The following DLG2 variants were observed in gnomAD, a reference collection of about 807,000 sequenced individuals.
DLG2 encodes the protein disks large homolog 2.
In DLG2, 45 loss-of-function variants were observed where a neutral mutation model predicts 132.5. The observed-to-expected ratio is 0.34, with a 90% CI of 0.27 to 0.44. The LOEUF (loss-of-function observed/expected upper bound fraction) is 0.44, where lower values mean the gene tolerates loss of function less well. Among genes scored for constraint, DLG2 ranks in the 20% least tolerant of loss-of-function variants. The pLI is 1.00. For synonymous variants in DLG2, 424 were observed against 419.6 expected, an observed-to-expected ratio of 1.01 and a Z score of -0.13; for missense variants, 1,045 against 1,196.9, an observed-to-expected ratio of 0.87 and a Z score of 1.87.
chr11:85,014,366 T>C (rs924696273), intron 6 of DLG2, among the ~76,000 whole-genome samples: 3 of 152,210 alleles, frequency 2.0e-5, no homozygotes, highest in Non-Finnish European at 4.4e-5. Context: ...TTCTTCCTTA[T>C]ATATGCAGTT....
intron 3 of DLG2, among the ~76,000 whole-genome samples, chr11:85,448,561 T>C (rs1194162015): frequency 6.6e-6 from 1 of 152,208 alleles, no homozygotes. Flanking sequence ...TACTGCTTTC[T>C]TACTGAAAAA....
At chr11:85,052,521 A>C (rs1304231885) in intron 6 of DLG2, among the ~76,000 whole-genome samples, 1 of 152,210 alleles carries the variant, frequency 6.6e-6, no homozygotes, top group Non-Finnish European at 1.5e-5. Context: ...AGCAAAACAG[A>C]AACTTGGTAA....
At chr11:85,090,110 C>A (rs1437223835) in intron 6 of DLG2, among the ~76,000 whole-genome samples, 1 of 152,134 alleles carries the variant, frequency 6.6e-6, no homozygotes, top group African/African-American at 2.4e-5. Flanking sequence ...ATTAGGCACA[C>A]ATGTATATAA....
intron 3 of DLG2, among the ~76,000 whole-genome samples, chr11:85,573,970 T>C (rs1378022181): frequency 6.6e-6 from 1 of 152,192 alleles, no homozygotes; most frequent in Non-Finnish European, 1.5e-5. Context: ...CTAAATTTCT[T>C]ATCTAGAAAT....
chr11:83,578,697 TA>T (rs1364979543), intron 19 of DLG2, among the ~76,000 whole-genome samples: 1 of 152,124 alleles, frequency 6.6e-6, no homozygotes, highest in African/African-American at 2.4e-5. Flanking sequence ...CCAGAGGATA[TA>T]AAAAGCCTAA....
intron 6 of DLG2, among the ~76,000 whole-genome samples, chr11:85,004,628 A>G (rs894649256): frequency 2.0e-5 from 3 of 152,246 alleles, no homozygotes; most frequent in South Asian, 2.1e-4. Flanking sequence ...CCTTTGTCAG[A>G]TCGATAGATT....
intron 6 of DLG2, among the ~76,000 whole-genome samples, chr11:84,554,161 T>G (rs976696146): frequency 6.6e-6 from 1 of 152,216 alleles, no homozygotes; most frequent in Non-Finnish European, 1.5e-5. Flanking sequence ...GTGTTTTATT[T>G]TCTTCTTCAT....
intron 7 of DLG2, among the ~76,000 whole-genome samples, chr11:84,269,402 C>A (rs2097690476): frequency 6.6e-6 from 1 of 152,232 alleles, no homozygotes; most frequent in Non-Finnish European, 1.5e-5. Context: ...ATGTCCTCTT[C>A]TTCCATCATT....
At chr11:85,045,021 T>C (rs1370196137) in intron 6 of DLG2, among the ~76,000 whole-genome samples, 2 of 151,994 alleles carry the variant, frequency 1.3e-5, no homozygotes, top group East Asian at 3.9e-4. Context: ...AATAGGAAAG[T>C]AGGATGAATT....
At chr11:83,590,479 A>G (rs1475220278) in intron 19 of DLG2, among the ~76,000 whole-genome samples, 1 of 152,128 alleles carries the variant, frequency 6.6e-6, no homozygotes, top group Non-Finnish European at 1.5e-5. Context: ...TCTCTGGGAC[A>G]CATTCAAAGC....
chr11:84,323,756 A>C (rs2098417370), intron 7 of DLG2, among the ~76,000 whole-genome samples: 1 of 134,924 alleles, frequency 7.4e-6, no homozygotes, highest in African/African-American at 2.8e-5. Flanking sequence ...TGGCCATTCT[A>C]ACAGGTGTGA....
Position 84,163,519 on chromosome 11 carries a change from T to A in DLG2, c.574-8A>T. On this transcript the variant is annotated splice_polypyrimidine_tract_variant and splice_region_variant and intron_variant, in intron 8 of 27. Coordinates refer to ENST00000376104, the MANE Select transcript of DLG2 (RefSeq NM_001142699.3). ...AATTTCTGTCCCATTGACCTGTAAATAGGGAAAAAATAAGAAGAGAACTAT... is the reference window on the plus strand; with the variant it reads ...AATTTCTGTCCCATTGACCTGTAAAAAGGGAAAAAATAAGAAGAGAACTAT... The A allele has an allele frequency of 1.3e-6, 2 of 1,599,806 alleles. No homozygotes were observed. The highest frequency in any genetic ancestry group is 1.3e-5 in the African/African-American group (1 of 74,118).
rs1273327772 is a variant in DLG2, at chr11:85,520,061, G to A, written c.40+78596C>T. Among the ~76,000 whole-genome samples the A allele has an allele frequency of 1.3e-5, 2 of 149,742 alleles. 1 individual carries two copies. Among genetic ancestry groups the A allele is most frequent in the Admixed American group, 1.3e-4 (2 of 15,044 alleles). ...GGCTAATTTTTTTTTTTTTATATTT[G>A]GTGGAGATGGGGCCTCTTTATACTG... On this transcript the variant is annotated intron_variant, in intron 3 of 27. Transcript: ENST00000376104.
chr11:83,741,683 T>C (rs75047776), intron 18 of DLG2, among the ~76,000 whole-genome samples: 1 of 152,090 alleles, frequency 6.6e-6, no homozygotes, highest in Non-Finnish European at 1.5e-5. Flanking sequence ...AAATATTTCA[T>C]GCTCATGGAT....
chr11:84,859,814 A>C (rs1387739235), intron 6 of DLG2, among the ~76,000 whole-genome samples: 5 of 151,836 alleles, frequency 3.3e-5, no homozygotes, highest in Non-Finnish European at 7.4e-5. Flanking sequence ...CAGCACACTC[A>C]AAGAGAAGTA....
intron 6 of DLG2, among the ~76,000 whole-genome samples, chr11:84,751,945 G>T (rs556424163): frequency 1.3e-5 from 2 of 152,130 alleles, no homozygotes; most frequent in Non-Finnish European, 2.9e-5. Flanking sequence ...TTTGTTCTTA[G>T]CAAGTGTTGT....
At chr11:84,857,709 T>C (rs2082976002) in intron 6 of DLG2, among the ~76,000 whole-genome samples, 1 of 152,220 alleles carries the variant, frequency 6.6e-6, no homozygotes, top group Middle Eastern at 3.4e-3. Flanking sequence ...AGAATTATAC[T>C]CATCTCAACA....
chr11:84,611,020 G>GACAC (rs1377191854), intron 6 of DLG2, among the ~76,000 whole-genome samples: 8 of 71,928 alleles, frequency 1.1e-4, no homozygotes, highest in East Asian at 3.8e-4. Context: ...TCTGTTAGAT[G>GACAC]ACATACACAC....
At position 84,316,761 on chromosome 11, in the gene DLG2, C is replaced by T. The variant is rs146801160; in HGVS notation, c.520-65470G>A. 5.9e-5 allele frequency: 88 copies of T among 1,494,540 alleles called. No homozygotes were observed. In the East Asian group the frequency reaches 2.1e-3, roughly 36 times the overall value. 92.6% of individuals were successfully genotyped at this position (1,494,540 alleles called of 1,614,324 possible). On this transcript the variant is annotated intron_variant, in intron 7 of 27. Transcript: ENST00000376104. The stretch of plus-strand genomic sequence containing the variant: ...CTGCAAAGTTTCCAAGCCATTCTAA[C>T]CTTAAACAACTTGCTCTCACTTTCT...
Sources: allele counts gnomAD v4.1 joint callset (sites outside exome capture counted in the v4.1 genomes callset), GRCh38; gene constraint gnomAD v4.1.1; transcripts MANE v1.5; gene names NCBI Gene and HGNC (gene_info 2026-07-23, HGNC 2026-07-21).